The following TAS1R3 variants were observed in gnomAD, a reference collection of about 807,000 sequenced individuals.
TAS1R3 encodes the protein taste 1 receptor member 3, also known as taste receptor type 1 member 3.
A neutral mutation model predicts 46.1 loss-of-function variants in TAS1R3; 58 were observed. The ratio of observed to expected loss-of-function variants is 1.26; its 90% confidence interval spans 1.02 to 1.57. The LOEUF (loss-of-function observed/expected upper bound fraction) is 1.57. Among genes scored for constraint, TAS1R3 ranks in the 40% most tolerant of loss-of-function variants. The pLI, the probability that TAS1R3 is intolerant of heterozygous loss-of-function variation, is 0.00. For synonymous variants in TAS1R3, 724 were observed against 544.7 expected (o/e 1.33, Z -4.58); for missense variants, 1,422 against 1,185.8 (o/e 1.20, Z -2.93).
rs371035684 is a variant in TAS1R3, at chr1:1,333,343, G to A, written c.1564G>A (p.Val522Met). The A allele has an allele frequency of 5.8e-5, 93 of 1,609,740 alleles. No homozygotes were observed. Among genetic ancestry groups the A allele is most frequent in the Admixed American group, 1.0e-4 (6 of 59,594 alleles). The change falls in exon 5 of 6, where the codon GTG becomes ATG. Residue 522 changes from valine (V) to methionine (M), a missense_variant. Transcript: ENST00000339381. The stretch of plus-strand genomic sequence containing the variant: ...GTTCCACTCCTGCTGCTACGACTGT[G>A]TGGACTGCGAGGCGGGCAGCTACCG... ...KGFHSCCYDCVDCEAGSYRQN... is the reference protein window; with the variant it reads ...KGFHSCCYDCMDCEAGSYRQN...
Position 1,333,122 on chromosome 1 carries a change from C to G in TAS1R3, c.1477C>G (p.Gln493Glu). ...LKIRWHTSDNQKPVSRCSRQC... is the reference protein window; with the variant it reads ...LKIRWHTSDNEKPVSRCSRQC... ...GATCCGCTGGCACACGTCTGACAACCAGGTGAGGTGAGGGTGGGTGTGCCA... is the reference window on the plus strand; with the variant it reads ...GATCCGCTGGCACACGTCTGACAACGAGGTGAGGTGAGGGTGGGTGTGCCA... Residue 493 changes from glutamine to glutamate, a missense_variant and splice_region_variant, in exon 4 of 6, where the codon CAG (glutamine) becomes GAG (glutamate). Physicochemically the swap from Gln to Glu is conservative, Grantham distance 29 (BLOSUM62 2). Coordinates refer to ENST00000339381, the MANE Select transcript of TAS1R3 (RefSeq NM_152228.3). 1 of 1,610,910 alleles carries G rather than the reference C, an allele frequency of 6.2e-7. No homozygotes were observed. The highest frequency in any genetic ancestry group is 1.1e-5 in the South Asian group (1 of 90,996).
rs779276757 is a variant in TAS1R3 at position 1,331,890 on chromosome 1, G to C, written c.444G>C (p.Glu148Asp). The C allele has an allele frequency of 8.7e-6, 14 of 1,612,626 alleles. No individual in the cohort carries two copies. The highest frequency in any genetic ancestry group is 1.1e-5 in the Non-Finnish European group (13 of 1,179,916). The change falls in exon 2 of 6, where the codon GAG becomes GAC. Residue 148 changes from glutamate to aspartate, a missense_variant. By Grantham distance (45) the Glu-to-Asp change is conservative. Transcript: ENST00000339381. ...VLAVIGPHSS[E>D]LAMVTGKFFS... ...CTGTCATCGGGCCCCACTCGTCAGA[G>C]CTCGCCATGGTCACCGGCAAGTTCT...
Position 1,334,044 on chromosome 1 carries a change from G to C in TAS1R3, c.2139G>C (p.Met713Ile). Residue 713 changes from methionine (M) to isoleucine (I), a missense_variant, in exon 6 of 6, where the codon ATG becomes ATC. Physicochemically the swap from Met to Ile is conservative, Grantham distance 10. Coordinates refer to ENST00000339381, the MANE Select transcript of TAS1R3 (RefSeq NM_152228.3). ...CGGAGGTGGTGACGGACTGGCACAT[G>C]CTGCCCACGGAGGCGCTGGTGCACT... is the stretch of plus-strand genomic sequence containing the variant. ...FPPEVVTDWH[M>I]LPTEALVHCR... The C allele has an allele frequency of 6.2e-7, 1 of 1,601,514 alleles. No individual in the cohort carries two copies. The highest frequency in any genetic ancestry group is 8.5e-7 in the Non-Finnish European group (1 of 1,179,144).
Position 1,334,422 on chromosome 1 carries a change from C to T in TAS1R3, c.2517C>T (p.Gly839=), listed in dbSNP as rs148758835. The change falls in exon 6 of 6, where the codon GGC becomes GGT. Residue 839 remains glycine, a synonymous_variant. Transcript: ENST00000339381. ...FLGGGPGDAQ[G]QNDGNTGNQG... is the part of the protein sequence containing the mutation. ...GAGGGGGCCCTGGGGATGCCCAAGG[C>T]CAGAATGACGGGAACACAGGAAATC... 4,273 of 1,600,154 alleles carry T rather than the reference C, an allele frequency of 2.7e-3. 12 individuals carry two copies. The highest frequency in any genetic ancestry group is 3.2e-3 in the Admixed American group (188 of 59,198).
rs917711303 is a variant in TAS1R3, at chr1:1,334,664, C to T, written c.*200C>T. The T allele has an allele frequency of 1.3e-5, 8 of 614,186 alleles. No individual in the cohort carries two copies. Among genetic ancestry groups the T allele is most frequent in the African/African-American group, 1.3e-4 (7 of 54,292 alleles). 38.0% of individuals were successfully genotyped at this position (614,186 alleles called of 1,614,324 possible). A position where few individuals can be genotyped will look rare whatever the true frequency, so the allele number is the denominator to read the frequency against. On this transcript the variant is annotated 3_prime_UTR_variant, in exon 6 of 6. Transcript: ENST00000339381. ...TGACCATCTGGGCCCCAGAGCCAAG[C>T]TGTGTCCCTGTCCCTCTGTGCCCAG...
chr1:1,332,082 T>A lies in TAS1R3; in HGVS notation c.551T>A (p.Phe184Tyr). Residue 184 changes from phenylalanine (F) to tyrosine (Y), a missense_variant, in exon 3 of 6, where the codon TTC becomes TAC. Coordinates refer to ENST00000339381, the MANE Select transcript of TAS1R3 (RefSeq NM_152228.3). ...LSARETFPSF[F>Y]RTVPSDRVQL... is the part of the protein sequence containing the mutation. ...GCCCGGGAGACCTTCCCCTCCTTCT[T>A]CCGCACCGTGCCCAGCGACCGTGTG... The A allele has an allele frequency of 3.7e-6, 6 of 1,602,224 alleles. No homozygotes were observed. The highest frequency in any genetic ancestry group is 1.7e-4 in the Middle Eastern group (1 of 6,060).
chr1:1,333,968 C>A lies in TAS1R3; in HGVS notation c.2063C>A (p.Ala688Asp), dbSNP rs772028853. 3.1e-6 allele frequency: 5 copies of A among 1,600,828 alleles called. No individual in the cohort carries two copies. In the East Asian group the frequency reaches 1.1e-4, roughly 36 times the overall value. ...TGGGCCTGGCTGGTGGTGCTGCTGG[C>A]CATGCTGGTGGAGGTCGCACTGTGC... ...GPWAWLVVLLAMLVEVALCTW... is the reference protein window; with the variant it reads ...GPWAWLVVLLDMLVEVALCTW... The change falls in exon 6 of 6, where the codon GCC (alanine) becomes GAC (aspartate). Residue 688 changes from alanine (A) to aspartate (D), a missense_variant. Ala to Asp is a moderately radical substitution (Grantham distance 126, BLOSUM62 -2). Coordinates refer to ENST00000339381, the MANE Select transcript of TAS1R3 (RefSeq NM_152228.3).
chr1:1,334,627 T>G lies in TAS1R3; in HGVS notation c.*163T>G. The G allele has an allele frequency of 1.3e-6, 1 of 766,354 alleles. No homozygotes were observed. Among genetic ancestry groups the G allele is most frequent in the South Asian group, 1.9e-5 (1 of 52,740 alleles). 47.5% of individuals were successfully genotyped at this position (766,354 alleles called of 1,614,324 possible). ...CAGTGAGCCCTAGGCCTGGAGCACG[T>G]GGACACCCCTGTGACCATCTGGGCC... is the stretch of plus-strand genomic sequence containing the variant. On this transcript the variant is annotated 3_prime_UTR_variant, in exon 6 of 6. Transcript: ENST00000339381.
In TAS1R3 at chr1:1,332,167, G is replaced by A. The variant is rs1456001527; in HGVS notation, c.636G>A (p.Leu212=). The A allele has an allele frequency of 1.3e-6, 2 of 1,597,450 alleles. No homozygotes were observed. Among genetic ancestry groups the A allele is most frequent in the Non-Finnish European group, 1.7e-6 (2 of 1,178,804 alleles). The part of the protein sequence containing the change: ...QEFGWNWVAA[L]GSDDEYGRQG... Reference sequence around the variant, plus strand: ...TCGGCTGGAACTGGGTGGCCGCCCTGGGCAGCGACGACGAGTACGGCCGGC... The same window carrying A: ...TCGGCTGGAACTGGGTGGCCGCCCTAGGCAGCGACGACGAGTACGGCCGGC... The change falls in exon 3 of 6, where the codon CTG becomes CTA. Residue 212 remains leucine, a synonymous_variant. Coordinates refer to ENST00000339381, the MANE Select transcript of TAS1R3 (RefSeq NM_152228.3).
chr1:1,332,859 G>A (rs1457972309), intron 3 of TAS1R3, 53 bp downstream of exon 3: 1 of 1,588,332 alleles, frequency 6.3e-7, no homozygotes, highest in African/African-American at 1.3e-5. Flanking sequence ...CAGGCCACCA[G>A]GCACGGCCAC....
Position 1,331,672 on chromosome 1 carries a change from A to G in TAS1R3, c.226A>G (p.Met76Val), listed in dbSNP as rs971616051. The change falls in exon 2 of 6, where the codon ATG becomes GTG. Residue 76 changes from methionine (M) to valine (V), a missense_variant. Transcript: ENST00000339381. ...SSNGLLWALA[M>V]KMAVEEINNK... The stretch of plus-strand genomic sequence containing the variant: ...AAACGGCCTGCTCTGGGCACTGGCC[A>G]TGAAAATGGCCGTGGAGGAGATCAA... 5.0e-6 allele frequency: 8 copies of G among 1,612,642 alleles called. No individual in the cohort carries two copies. The African/African-American group carries it at 1.1e-4, about 22-fold the overall frequency.
rs776660891 is a variant in TAS1R3 at position 1,332,758 on chromosome 1, G to A, written c.1227G>A (p.Gln409=). ...CCCAGGCCCTGCACAACACTCTTCA[G>A]TGCAACGCCTCAGGCTGCCCCGCGC... The part of the protein sequence containing the change: ...SVAQALHNTL[Q]CNASGCPAQD... Residue 409 remains glutamine (Q), a synonymous_variant, in exon 3 of 6, where the codon CAG becomes CAA. Coordinates refer to ENST00000339381, the MANE Select transcript of TAS1R3 (RefSeq NM_152228.3). 31 of 1,605,720 alleles carry A rather than the reference G, an allele frequency of 1.9e-5. No homozygotes were observed. The highest frequency in any genetic ancestry group is 1.5e-4 in the Admixed American group (9 of 59,962).
chr1:1,331,650 C>A lies in TAS1R3; in HGVS notation c.204C>A (p.Asn68Lys). ...TGTGTGGCCCCAGGTTCTCCTCAAA[C>A]GGCCTGCTCTGGGCACTGGCCATGA... ...SSPVCTRFSS[N>K]GLLWALAMKM... The change falls in exon 2 of 6, where the codon AAC becomes AAA. Residue 68 changes from asparagine (N) to lysine (K), a missense_variant. Coordinates refer to ENST00000339381, the MANE Select transcript of TAS1R3 (RefSeq NM_152228.3). The A allele has an allele frequency of 3.7e-6, 6 of 1,609,986 alleles. No homozygotes were observed. Among genetic ancestry groups the A allele is most frequent in the Non-Finnish European group, 4.2e-6 (5 of 1,177,720 alleles).
Position 1,331,825 on chromosome 1 carries a change from G to A in TAS1R3, c.379G>A (p.Ala127Thr), listed in dbSNP as rs780598354. The part of the protein sequence containing the change: ...LAKAGSRDIA[A>T]YCNYTQYQPR... ...CAAGGCAGGCAGCCGCGACATCGCC[G>A]CCTACTGCAACTACACGCAGTACCA... Residue 127 changes from alanine to threonine, a missense_variant, in exon 2 of 6, where the codon GCC (alanine) becomes ACC (threonine). By Grantham distance (58) the Ala-to-Thr change is moderately conservative. Coordinates refer to ENST00000339381, the MANE Select transcript of TAS1R3 (RefSeq NM_152228.3). The A allele has an allele frequency of 4.1e-5, 66 of 1,612,678 alleles. No individual in the cohort carries two copies. In the Middle Eastern group the frequency reaches 9.9e-4, roughly 24 times the overall value.
At position 1,332,176 on chromosome 1, in the gene TAS1R3, C is replaced by A. The variant is rs766694130; in HGVS notation, c.645C>A (p.Asp215Glu). 2 of 1,596,836 alleles carry A rather than the reference C, an allele frequency of 1.3e-6. No individual in the cohort carries two copies. Among genetic ancestry groups the A allele is most frequent in the Non-Finnish European group, 1.7e-6 (2 of 1,178,364 alleles). Residue 215 changes from aspartate (D) to glutamate (E), a missense_variant, in exon 3 of 6, where the codon GAC (aspartate) becomes GAA (glutamate). By Grantham distance (45) the Asp-to-Glu change is conservative. Coordinates refer to ENST00000339381, the MANE Select transcript of TAS1R3 (RefSeq NM_152228.3). The stretch of plus-strand genomic sequence containing the variant: ...ACTGGGTGGCCGCCCTGGGCAGCGA[C>A]GACGAGTACGGCCGGCAGGGCCTGA... ...GWNWVAALGSDDEYGRQGLSI... is the reference protein window; with the variant it reads ...GWNWVAALGSEDEYGRQGLSI...
rs572850868 is a variant in TAS1R3, at chr1:1,332,084, C to T, written c.553C>T (p.Arg185Cys). The T allele has an allele frequency of 8.1e-6, 13 of 1,602,142 alleles. No individual in the cohort carries two copies. Among genetic ancestry groups the T allele is most frequent in the African/African-American group, 2.7e-5 (2 of 75,028 alleles). The part of the protein sequence containing the change: ...SARETFPSFF[R>C]TVPSDRVQLT... ...CCGGGAGACCTTCCCCTCCTTCTTC[C>T]GCACCGTGCCCAGCGACCGTGTGCA... is the stretch of plus-strand genomic sequence containing the variant. The change falls in exon 3 of 6, where the codon CGC (arginine) becomes TGC (cysteine). Residue 185 changes from arginine (R) to cysteine (C), a missense_variant. Physicochemically the swap from Arg to Cys is radical, Grantham distance 180. Coordinates refer to ENST00000339381, the MANE Select transcript of TAS1R3 (RefSeq NM_152228.3).
At position 1,331,711 on chromosome 1, in the gene TAS1R3, C is replaced by A. The variant is rs749164178; in HGVS notation, c.265C>A (p.Leu89Met). Residue 89 changes from leucine (L) to methionine (M), a missense_variant, in exon 2 of 6, where the codon CTG becomes ATG. Leu to Met is a conservative substitution (Grantham distance 15). Coordinates refer to ENST00000339381, the MANE Select transcript of TAS1R3 (RefSeq NM_152228.3). ...GGAGGAGATCAACAACAAGTCGGAT[C>A]TGCTGCCCGGGCTGCGCCTGGGCTA... ...AVEEINNKSD[L>M]LPGLRLGYDL... The A allele has an allele frequency of 2.5e-6, 4 of 1,612,982 alleles. No individual in the cohort carries two copies. The highest frequency in any genetic ancestry group is 3.3e-4 in the Middle Eastern group (2 of 6,062).
At position 1,333,359 on chromosome 1, in the gene TAS1R3, G is replaced by T; in HGVS notation, c.1580G>T (p.Gly527Val). The T allele has an allele frequency of 6.2e-7, 1 of 1,610,976 alleles. No individual in the cohort carries two copies. The highest frequency in any genetic ancestry group is 8.5e-7 in the Non-Finnish European group (1 of 1,179,284). ...CCYDCVDCEA[G>V]SYRQNPDDIA... ...TACGACTGTGTGGACTGCGAGGCGG[G>T]CAGCTACCGGCAAAACCCAGGTGAG... is the stretch of plus-strand genomic sequence containing the variant. The change falls in exon 5 of 6, where the codon GGC becomes GTC. Residue 527 changes from glycine (G) to valine (V), a missense_variant. Coordinates refer to ENST00000339381, the MANE Select transcript of TAS1R3 (RefSeq NM_152228.3).
rs1198068738 is a variant in TAS1R3, at chr1:1,334,135, T to C, written c.2230T>C (p.Cys744Arg). 2 of 1,582,058 alleles carry C rather than the reference T, an allele frequency of 1.3e-6. No homozygotes were observed. Among genetic ancestry groups the C allele is most frequent in the South Asian group, 2.3e-5 (2 of 87,976 alleles). Reference protein sequence around the residue: ...HATNATLAFLCFLGTFLVRSQ... With the variant: ...HATNATLAFLRFLGTFLVRSQ... ...CACCAATGCCACGCTGGCCTTTCTC[T>C]GCTTCCTGGGCACTTTCCTGGTGCG... The change falls in exon 6 of 6, where the codon TGC becomes CGC. Residue 744 changes from cysteine (C) to arginine (R), a missense_variant. By Grantham distance (180) the Cys-to-Arg change is radical. Transcript: ENST00000339381.
Sources: allele counts gnomAD v4.1 joint callset, GRCh38; gene constraint gnomAD v4.1.1; transcripts MANE v1.5; gene names NCBI Gene and HGNC (gene_info 2026-07-23, HGNC 2026-07-21).